Variants in CADPS observed in about 807,000 individuals in gnomAD.
CADPS encodes calcium-dependent secretion activator 1.
In CADPS, 57 loss-of-function variants were observed where a neutral mutation model predicts 167.3. That is an observed-to-expected ratio of 0.34 (90% confidence interval 0.28 to 0.42). The LOEUF (loss-of-function observed/expected upper bound fraction) is 0.42, where lower values mean the gene tolerates loss of function less well. CADPS is among the 20% of genes least tolerant of loss of function. The pLI is 1.00. For missense variants in CADPS, 1,414 were observed against 1,738.1 expected (o/e 0.81, Z 3.32); for synonymous variants, 676 against 635.3 (o/e 1.06, Z -0.96).
At chr3:62,817,164 C>G (rs17280557) in intron 1 of CADPS, among the ~76,000 whole-genome samples, 2 of 152,000 alleles carry the variant, frequency 1.3e-5, no homozygotes, top group African/African-American at 2.4e-5. Context: ...GACTGAAGAG[C>G]CTTTGTAAAC....
chr3:62,870,856 T>C (rs969574665), intron 1 of CADPS, among the ~76,000 whole-genome samples: 15 of 152,202 alleles, frequency 9.9e-5, no homozygotes, highest in Admixed American at 9.8e-4. Flanking sequence ...CGTTACTACA[T>C]AGTTTAGAAA....
At chr3:62,427,521 C>T (rs942845830) in intron 28 of CADPS, among the ~76,000 whole-genome samples, 10 of 152,254 alleles carry the variant, frequency 6.6e-5, no homozygotes, top group Middle Eastern at 3.4e-3. Context: ...CTGTCCTGTG[C>T]ACTACAGGAG....
At chr3:62,431,965 G>C (rs2054064821) in intron 28 of CADPS, among the ~76,000 whole-genome samples, 1 of 151,472 alleles carries the variant, frequency 6.6e-6, no homozygotes, top group Admixed American at 6.6e-5. Context: ...TTTTTGGTTA[G>C]CCATATTTTC....
intron 21 of CADPS, among the ~76,000 whole-genome samples, chr3:62,488,202 T>C (rs1474172595): frequency 6.6e-6 from 1 of 152,126 alleles, no homozygotes; most frequent in Non-Finnish European, 1.5e-5. Flanking sequence ...ATTCTTCACT[T>C]GGAAAAAAAA....
chr3:62,820,609 T>A (rs2094857064), intron 1 of CADPS, among the ~76,000 whole-genome samples: 1 of 152,122 alleles, frequency 6.6e-6, no homozygotes, highest in Admixed American at 6.5e-5. Context: ...AGCACCTAGT[T>A]TAGGCCTGGC....
At chr3:62,825,655 A>G (rs1381209085) in intron 1 of CADPS, among the ~76,000 whole-genome samples, 2 of 152,228 alleles carry the variant, frequency 1.3e-5, no homozygotes, top group Non-Finnish European at 2.9e-5. Context: ...GCTGAGATTT[A>G]AACTCCAATT....
chr3:62,455,831 C>A lies in CADPS; in HGVS notation c.3636+9536G>T, dbSNP rs1226826497. On this transcript the variant is annotated intron_variant, in intron 26 of 29. Transcript: ENST00000383710. The surrounding 1 kb of genome is among the most constrained non-coding windows in gnomAD (Gnocchi z 4.4). ...GCAAGTGAGGGCTATATTGTTGTTA[C>A]TGAATAGTAATGCTTCTGCACGAAG... 2.0e-5 allele frequency among the ~76,000 whole-genome samples: 3 copies of A among 152,152 alleles called. No homozygotes were observed. The highest frequency in any genetic ancestry group is 7.2e-5 in the African/African-American group (3 of 41,440).
At chr3:62,456,449 T>C (rs2058687584) in intron 26 of CADPS, among the ~76,000 whole-genome samples, 1 of 152,214 alleles carries the variant, frequency 6.6e-6, no homozygotes, top group Admixed American at 6.5e-5. Context: ...CTAAGGGTCC[T>C]GAGCCTGAAG....
At chr3:62,468,991 T>TTAC (rs2060259874) in intron 24 of CADPS, among the ~76,000 whole-genome samples, 2 of 152,182 alleles carry the variant, frequency 1.3e-5, no homozygotes, top group South Asian at 2.1e-4. Flanking sequence ...TGTGGCAGTA[T>TTAC]TACTACTACT....
At chr3:62,663,611 CAAAAA>C (rs34328613) in intron 3 of CADPS, among the ~76,000 whole-genome samples, 73 of 120,204 alleles carry the variant, frequency 6.1e-4, no homozygotes, top group Admixed American at 1.1e-3. Flanking sequence ...TCCCTGCCTC[CAAAAA>C]AAAAAAAAAA....
At chr3:62,485,366 C>T (rs994486691) in intron 21 of CADPS, among the ~76,000 whole-genome samples, 1 of 152,150 alleles carries the variant, frequency 6.6e-6, no homozygotes, top group African/African-American at 2.4e-5. Context: ...TGTATTTCTA[C>T]CTTTGTACAT....
rs749339449 is a variant in CADPS, at chr3:62,492,299, G to A, written c.2875C>T (p.Arg959Cys). 32 of 1,613,750 alleles carry A rather than the reference G, an allele frequency of 2.0e-5. 1 individual carries two copies. Among genetic ancestry groups the A allele is most frequent in the African/African-American group, 9.3e-5 (7 of 74,902 alleles). ...CAAAGGTAATACATACAGTCAGTAC[G>A]GAGAAAATCATTCAGCAGCTGAAAT... ...PLFQLLNDFL[R>C]TDYNLCNGKF... Residue 959 changes from arginine to cysteine, a missense_variant, in exon 20 of 30, where the codon CGT becomes TGT. By Grantham distance (180) the Arg-to-Cys change is radical. Around this residue, in one of 6 missense-constraint regions of CADPS, gnomAD observed 529 missense variants for 629.6 expected, o/e 0.84. Transcript: ENST00000383710.
intron 3 of CADPS, among the ~76,000 whole-genome samples, chr3:62,696,445 A>C (rs576941307): frequency 3.1e-4 from 47 of 152,008 alleles, no homozygotes; most frequent in South Asian, 6.2e-4. Flanking sequence ...AGAAGTCTGC[A>C]TATTAGACCC....
intron 20 of CADPS, among the ~76,000 whole-genome samples, 175 bp from the exon 21 acceptor site, chr3:62,491,655 A>C (rs1272701349): frequency 6.6e-6 from 1 of 152,184 alleles, no homozygotes; most frequent in Non-Finnish European, 1.5e-5. Flanking sequence ...GAAGGAAAAA[A>C]GTACATAAAA....
intron 3 of CADPS, among the ~76,000 whole-genome samples, chr3:62,693,784 T>A (rs367762177): frequency 6.9e-6 from 1 of 144,554 alleles, no homozygotes. Context: ...GACTCCATCT[T>A]AAAAAAAAAA....
intron 22 of CADPS, among the ~76,000 whole-genome samples, chr3:62,480,516 G>C (rs1042497697): frequency 6.6e-6 from 1 of 152,128 alleles, no homozygotes. Context: ...GCAATTGTAG[G>C]TTGTAGAAAT....
At chr3:62,541,140 C>A (rs984858248) in intron 11 of CADPS, among the ~76,000 whole-genome samples, 2 of 152,112 alleles carry the variant, frequency 1.3e-5, no homozygotes, top group African/African-American at 4.8e-5. Flanking sequence ...TTTTCATTAA[C>A]CGTATTTTTC....
intron 18 of CADPS, among the ~76,000 whole-genome samples, chr3:62,496,269 T>A (rs2064781307): frequency 1.3e-5 from 2 of 152,046 alleles, no homozygotes; most frequent in Admixed American, 1.3e-4. Flanking sequence ...GGGCAGCTTT[T>A]AAAAATTACC....
chr3:62,713,738 C>G (rs1282930971), intron 3 of CADPS, among the ~76,000 whole-genome samples: 1 of 152,120 alleles, frequency 6.6e-6, no homozygotes, highest in East Asian at 1.9e-4. Flanking sequence ...GCTCGCCTGC[C>G]CTGCATCAGT....
Sources: gnomAD v4.1 joint callset for allele counts (sites outside exome capture counted in the v4.1 genomes callset) on GRCh38, gnomAD v4.1.1 for gene constraint, gnomAD v4.1.1 regional missense constraint, Gnocchi (gnomAD v3.1) non-coding constraint, MANE v1.5 for transcripts, NCBI Gene and HGNC (gene_info 2026-07-23, HGNC 2026-07-21) for gene names.